Variants in ZFP28 observed in about 807,000 individuals in gnomAD.
ZFP28 encodes ZFP28 zinc finger protein.
In ZFP28, 31 loss-of-function variants were observed where a neutral mutation model predicts 39.5. That is an observed-to-expected ratio of 0.79 (90% confidence interval 0.59 to 1.06). ZFP28 has a LOEUF of 1.06. Ranked by LOEUF, ZFP28 falls within the 50% of genes least tolerant of loss-of-function variation. ZFP28 has a pLI of 0.00. For missense variants in ZFP28, 925 were observed against 1,048.4 expected, an observed-to-expected ratio of 0.88 and a Z score of 1.63; for synonymous variants, 400 against 378.6, an observed-to-expected ratio of 1.06 and a Z score of -0.66.
At position 56,539,709 on chromosome 19, in the gene ZFP28, T is replaced by C. The variant is rs770012262; in HGVS notation, c.293T>C (p.Met98Thr). 5.8e-5 allele frequency: 94 copies of C among 1,613,866 alleles called. No individual in the cohort carries two copies. The highest frequency in any genetic ancestry group is 3.3e-4 in the Middle Eastern group (2 of 6,082). ...GGGACAGGAATTGAACCTAAAGCCA[T>C]GTCCCAGGTGAGTTGGCATTTCATC... is the stretch of plus-strand genomic sequence containing the variant. ...AVGTGIEPKAMSQGLVTFGDV... is the reference protein window; with the variant it reads ...AVGTGIEPKATSQGLVTFGDV... The change falls in exon 2 of 8, where the codon ATG becomes ACG. Residue 98 changes from methionine to threonine, a missense_variant. Physicochemically the swap from Met to Thr is moderately conservative, Grantham distance 81. This residue lies in a region of ZFP28 where 556 missense variants were observed against 542.9 expected (regional missense o/e 1.02). Coordinates refer to ENST00000301318, the MANE Select transcript of ZFP28 (RefSeq NM_020828.2).
upstream of ZFP28, chr19:56,538,391 G>C (rs1468713180): frequency 6.5e-6 from 1 of 152,840 alleles, no homozygotes; most frequent in East Asian, 1.9e-4. Context: ...CTCCGGCCCT[G>C]CGGTCCCACC....
rs2044269353 is a variant in ZFP28 at position 56,549,065 on chromosome 19, G to C, written c.631G>C (p.Glu211Gln). Residue 211 changes from glutamate (E) to glutamine (Q), a missense_variant, in exon 5 of 8, where the codon GAG becomes CAG. Glu to Gln is a conservative substitution (Grantham distance 29). Coordinates refer to ENST00000301318, the MANE Select transcript of ZFP28 (RefSeq NM_020828.2). ...ITERLTSYNL[E>Q]YSLLGEHWDY... is the part of the protein sequence containing the mutation. Reference sequence around the variant, plus strand: ...AGAGAGACTCACAAGCTATAATCTGGAGTACTCTCTGTTAGGGGAACACTG... The same window carrying C: ...AGAGAGACTCACAAGCTATAATCTGCAGTACTCTCTGTTAGGGGAACACTG... 4 of 1,613,848 alleles carry C rather than the reference G, an allele frequency of 2.5e-6. No individual in the cohort carries two copies. Among genetic ancestry groups the C allele is most frequent in the East Asian group, 2.2e-5 (1 of 44,858 alleles).
rs1568486095 is a variant in ZFP28 at position 56,548,995 on chromosome 19, C to G, written c.561C>G (p.Leu187=). 1 of 1,614,006 alleles carries G rather than the reference C, an allele frequency of 6.2e-7. No homozygotes were observed. Among genetic ancestry groups the G allele is most frequent in the Admixed American group, 1.7e-5 (1 of 59,998 alleles). ...KAVWKIKELP[L]KKDFCEGKLS... Reference sequence around the variant, plus strand: ...TGTGGAAGATCAAGGAGTTACCTCTCAAGAAGGACTTCTGCGAAGGAAAGC... The same window carrying G: ...TGTGGAAGATCAAGGAGTTACCTCTGAAGAAGGACTTCTGCGAAGGAAAGC... The change falls in exon 5 of 8, where the codon CTC becomes CTG. Residue 187 remains leucine (L), a synonymous_variant. Coordinates refer to ENST00000301318, the MANE Select transcript of ZFP28 (RefSeq NM_020828.2).
rs528420542 is a variant in ZFP28 at position 56,550,137 on chromosome 19, G to A, written c.758G>A (p.Cys253Tyr). 3.7e-6 allele frequency: 6 copies of A among 1,612,996 alleles called. No homozygotes were observed. Among genetic ancestry groups the A allele is most frequent in the East Asian group, 4.5e-5 (2 of 44,862 alleles). The change falls in exon 6 of 8, where the codon TGT (cysteine) becomes TAT (tyrosine). Residue 253 changes from cysteine (C) to tyrosine (Y), a missense_variant. By Grantham distance (194) the Cys-to-Tyr change is radical. Around this residue, in one of 2 missense-constraint regions of ZFP28, gnomAD observed 556 missense variants for 542.9 expected, o/e 1.02. Coordinates refer to ENST00000301318, the MANE Select transcript of ZFP28 (RefSeq NM_020828.2). ...CTACACCCAGCTCAGAAGAATTTCT[G>A]TAAGAATGGGATATGGGAGAACAAC... Reference protein sequence around the residue: ...QQLHPAQKNFCKNGIWENNSD... With the variant: ...QQLHPAQKNFYKNGIWENNSD...
chr19:56,549,593 C>T (rs914586740), intron 5 of ZFP28, among the ~76,000 whole-genome samples: 9 of 152,108 alleles, frequency 5.9e-5, no homozygotes, highest in East Asian at 3.9e-4. Context: ...AGGAGAATGG[C>T]ATGAACCCGG....
Position 56,548,964 on chromosome 19 carries a change from A to G in ZFP28, c.530A>G (p.Lys177Arg). 3 of 1,612,434 alleles carry G rather than the reference A, an allele frequency of 1.9e-6. No individual in the cohort carries two copies. Among genetic ancestry groups the G allele is most frequent in the Non-Finnish European group, 2.5e-6 (3 of 1,179,430 alleles). Residue 177 changes from lysine (K) to arginine (R), a missense_variant, in exon 5 of 8, where the codon AAG (lysine) becomes AGG (arginine). Lys to Arg is a conservative substitution (Grantham distance 26, BLOSUM62 2). This residue lies in a region of ZFP28 where 556 missense variants were observed against 542.9 expected (regional missense o/e 1.02). Transcript: ENST00000301318. Reference protein sequence around the residue: ...KMTRAWCPDLKAVWKIKELPL... With the variant: ...KMTRAWCPDLRAVWKIKELPL... ...CCTTCTTTACGTCTTTCAGACTTGA[A>G]GGCTGTGTGGAAGATCAAGGAGTTA...
At chr19:56,550,678 C>T (rs1990575) in intron 7 of ZFP28, 73 bp downstream of exon 7, 151,617 of 1,605,756 alleles carry the variant, frequency 0.094, 8,728 homozygotes, top group East Asian at 0.21. Context: ...AAGGCTGCAT[C>T]CTCACTAATA....
chr19:56,551,968 T>C lies in ZFP28; in HGVS notation c.898+1363T>C, dbSNP rs1211104615. The stretch of plus-strand genomic sequence containing the variant: ...AATTAGGTCTTTTAAAATTATGACA[T>C]GTAAAAATTTTCAATTTTTATATAG... On this transcript the variant is annotated intron_variant, in intron 7 of 7. Coordinates refer to ENST00000301318, the MANE Select transcript of ZFP28 (RefSeq NM_020828.2). 6 of 974,276 alleles carry C rather than the reference T, an allele frequency of 6.2e-6. No individual in the cohort carries two copies. In the African/African-American group the frequency reaches 7.0e-5, roughly 11 times the overall value. 60.4% of individuals were successfully genotyped at this position (974,276 alleles called of 1,614,324 possible).
chr19:56,547,923 T>C lies in ZFP28; in HGVS notation c.523+21T>C. ...CCCAGGTGAGTGTGGGAGAACCAGG[T>C]AGGGTGAGGCCACTGCTGGTCATAG... On this transcript the variant is annotated intron_variant, in intron 4 of 7. Transcript: ENST00000301318. This position sits in a 1 kb window ranked among gnomAD's most constrained non-coding sequence, Gnocchi z 4.6. 1 of 1,613,136 alleles carries C rather than the reference T, an allele frequency of 6.2e-7. No individual in the cohort carries two copies. Among genetic ancestry groups the C allele is most frequent in the Non-Finnish European group, 8.5e-7 (1 of 1,179,234 alleles).
intron 5 of ZFP28, among the ~76,000 whole-genome samples, chr19:56,549,756 TG>T (rs2044278605): frequency 6.6e-6 from 1 of 152,146 alleles, no homozygotes; most frequent in Admixed American, 6.5e-5. Flanking sequence ...TCTGTGGACT[TG>T]TTGAATAATT....
chr19:56,553,024 G>A (rs2044319042), intron 7 of ZFP28: 1 of 152,062 alleles, frequency 6.6e-6, no homozygotes, highest in Non-Finnish European at 1.5e-5. Context: ...GCTTGATTGT[G>A]GCAAACATTT....
chr19:56,553,619 T>C (rs1276321862), intron 7 of ZFP28, 65 bp from the exon 8 acceptor site: 4 of 1,516,698 alleles, frequency 2.6e-6, no homozygotes, highest in Non-Finnish European at 3.5e-6. Context: ...CTAGTTTTCC[T>C]TTTGGCAGAT....
Position 56,550,525 on chromosome 19 carries a change from A to C in ZFP28, c.818A>C (p.Lys273Thr). 1 of 1,614,054 alleles carries C rather than the reference A, an allele frequency of 6.2e-7. No homozygotes were observed. ...ACTTTTTCAGGACATTGTGTGGCTA[A>C]GCCAGATTTAGTCTCTTTACTAGAG... is the stretch of plus-strand genomic sequence containing the variant. ...DLGSAGHCVA[K>T]PDLVSLLEQE... Residue 273 changes from lysine (K) to threonine (T), a missense_variant, in exon 7 of 8, where the codon AAG becomes ACG. Transcript: ENST00000301318.
At chr19:56,549,935 G>T (rs894322622) in intron 5 of ZFP28, 132 bp from the exon 6 acceptor site, 2 of 635,742 alleles carry the variant, frequency 3.1e-6, no homozygotes, top group Non-Finnish European at 5.6e-6. Context: ...ATTTGACCTG[G>T]TGTACCAGAA....
At chr19:56,538,008 T>A (rs2044149582), upstream of ZFP28, 1 of 152,204 alleles carries the variant, frequency 6.6e-6, no homozygotes, top group African/African-American at 2.4e-5. Flanking sequence ...CTGGTATTTT[T>A]GAGACGTTAG....
At chr19:56,550,224 C>A in intron 6 of ZFP28, 43 bp downstream of exon 6, 1 of 1,535,248 alleles carries the variant, frequency 6.5e-7, no homozygotes, top group Non-Finnish European at 8.9e-7. Context: ...TCGTCGGGTA[C>A]CTCCATTTCC....
upstream of ZFP28, among the ~76,000 whole-genome samples, chr19:56,537,331 G>A (rs2044143199): frequency 1.3e-5 from 2 of 150,584 alleles, no homozygotes; most frequent in African/African-American, 4.9e-5. Flanking sequence ...GCAGGAAGAA[G>A]GTTGTGTGAG....
intron 7 of ZFP28, 95 bp from the exon 8 acceptor site, chr19:56,553,589 C>G (rs750424388): frequency 9.0e-6 from 13 of 1,440,808 alleles, no homozygotes; most frequent in Non-Finnish European, 1.2e-5. Flanking sequence ...GATGAATTCA[C>G]CAATTAGTGA....
chr19:56,539,842 G>A (rs369276927), intron 2 of ZFP28, 126 bp downstream of exon 2: 6 of 804,416 alleles, frequency 7.5e-6, no homozygotes, highest in South Asian at 3.5e-5. Context: ...ATTTCTTCAC[G>A]TTCTAGTGAA....
Sources: allele counts gnomAD v4.1 joint callset (sites outside exome capture counted in the v4.1 genomes callset), GRCh38; gene constraint gnomAD v4.1.1; regional missense constraint gnomAD v4.1.1; non-coding constraint Gnocchi (gnomAD v3.1); transcripts MANE v1.5; gene names NCBI Gene and HGNC (gene_info 2026-07-23, HGNC 2026-07-21).